The following NPM3 variants were observed in gnomAD, a reference collection of about 807,000 sequenced individuals.
NPM3 encodes nucleophosmin/nucleoplasmin 3, also known as nucleoplasmin-3.
A neutral mutation model predicts 18.1 loss-of-function variants in NPM3; 12 were observed. The ratio of observed to expected loss-of-function variants is 0.66; its 90% confidence interval spans 0.42 to 1.07. The LOEUF (loss-of-function observed/expected upper bound fraction) is 1.07, where lower values mean the gene tolerates loss of function less well. Among genes scored for constraint, NPM3 ranks in the 50% least tolerant of loss-of-function variants. The pLI, the probability that NPM3 is intolerant of heterozygous loss-of-function variation, is 0.00. For synonymous variants in NPM3, 116 were observed against 93.7 expected, an observed-to-expected ratio of 1.24 and a Z score of -1.38; for missense variants, 274 against 232.1, an observed-to-expected ratio of 1.18 and a Z score of -1.17.
Position 101,782,448 on chromosome 10 carries a change from C to A in NPM3, c.324+30G>T, listed in dbSNP as rs775615848. On this transcript the variant is annotated intron_variant, in intron 3 of 5. Coordinates refer to ENST00000370110, the Ensembl canonical transcript of NPM3. Reference sequence around the variant, plus strand: ...CTCAATCCCCTCACCACCACCACCACCACCACCAAGGCAGAGCTGGGGAAC... The same window carrying A: ...CTCAATCCCCTCACCACCACCACCAACACCACCAAGGCAGAGCTGGGGAAC... 8.7e-6 allele frequency: 14 copies of A among 1,604,312 alleles called. No homozygotes were observed. The Middle Eastern group carries it at 1.3e-3, about 152-fold the overall frequency.
intron 2 of NPM3, 93 bp downstream of exon 2, chr10:101,782,744 ATG>A (rs2065151864): frequency 1.3e-6 from 2 of 1,569,438 alleles, no homozygotes; most frequent in Non-Finnish European, 1.7e-6. Context: ...TAGGCTGAGG[ATG>A]TGTCTCCAAG....
intron 3 of NPM3, 43 bp downstream of exon 3, chr10:101,782,435 A>C: frequency 6.3e-7 from 1 of 1,584,322 alleles, no homozygotes; most frequent in Non-Finnish European, 8.6e-7. Flanking sequence ...CAATCCCCTC[A>C]CCACCACCAC....
At chr10:101,782,487 G>C in exon 3 of NPM3, 2 of 1,611,790 alleles carry the variant, frequency 1.2e-6, no homozygotes, top group Non-Finnish European at 1.7e-6. Context: ...CCATGGGTTG[G>C]CAGGACAGCT....
At position 101,782,711 on chromosome 10, in the gene NPM3, G is replaced by A. The variant is rs369909216; in HGVS notation, c.205-114C>T. On this transcript the variant is annotated intron_variant, in intron 2 of 5. Transcript: ENST00000370110. Reference sequence around the variant, plus strand: ...CAGAGGTCCCGGTTCACCTGGCCAGGGGAGCCGCCCATGCCGGGGGGTTAG... The same window carrying A: ...CAGAGGTCCCGGTTCACCTGGCCAGAGGAGCCGCCCATGCCGGGGGGTTAG... 149 of 1,583,750 alleles carry A rather than the reference G, an allele frequency of 9.4e-5. No homozygotes were observed. In the African/African-American group the frequency reaches 1.8e-3, roughly 19 times the overall value.
intron 4 of NPM3, 27 bp from the exon 5 acceptor site, chr10:101,781,881 A>T (rs748919778): frequency 3.7e-6 from 6 of 1,614,128 alleles, no homozygotes; most frequent in Non-Finnish European, 4.2e-6. Context: ...CAGTAGAAGG[A>T]TGGGGTGTTA....
chr10:101,782,531 G>C, exon 3 of NPM3: 6 of 1,613,972 alleles, frequency 3.7e-6, no homozygotes, highest in Non-Finnish European at 5.1e-6. Context: ...ATCTCCTGAT[G>C]GTCATGGTTC....
Position 101,782,585 on chromosome 10 carries a change from C to T in NPM3, c.217G>A (p.Glu73Lys), listed in dbSNP as rs745777576. ...ACATTACACTCGTCTTTGGCTCCCT[C>T]GGTGAGGCAGAGCTGGGAACGGTAC... Residue 73 changes from glutamate (E) to lysine (K), a missense_variant, in exon 3 of 6, where the codon GAG (glutamate) becomes AAG (lysine). Transcript: ENST00000370110. 1.3e-5 allele frequency: 21 copies of T among 1,614,004 alleles called. No homozygotes were observed. In the South Asian group the frequency reaches 2.3e-4, roughly 18 times the overall value.
exon 6 of NPM3, chr10:101,781,443 A>T: frequency 2.3e-6 from 1 of 428,180 alleles, no homozygotes; most frequent in South Asian, 4.0e-5. Context: ...GTGGGAAGGG[A>T]GGCCCCGGGC....
chr10:101,782,920 A>G, exon 2 of NPM3: 1 of 1,613,938 alleles, frequency 6.2e-7, no homozygotes, highest in Non-Finnish European at 8.5e-7. Flanking sequence ...CGGAGAGCTC[A>G]CAGCCTGGTA....
chr10:101,783,371 G>A, exon 1 of NPM3: 3 of 1,610,404 alleles, frequency 1.9e-6, no homozygotes, highest in Non-Finnish European at 2.5e-6. Flanking sequence ...CGCTAAGGCA[G>A]CTGCAGTACC....
At chr10:101,783,240 A>T (rs2065157280) in intron 1 of NPM3, 33 bp downstream of exon 1, 1 of 1,477,688 alleles carries the variant, frequency 6.8e-7, no homozygotes, top group South Asian at 1.2e-5. Context: ...TTACCGCCCC[A>T]GTACCACCCT....
At chr10:101,782,954 G>A (rs1390250013) in intron 1 of NPM3, 30 bp from the exon 2 acceptor site, 4 of 1,605,216 alleles carry the variant, frequency 2.5e-6, no homozygotes, top group Non-Finnish European at 3.4e-6. Flanking sequence ...GTATGCCTGA[G>A]CGTGTGTACG....
chr10:101,782,233 GGA>G (rs1211006689), intron 4 of NPM3, 23 bp downstream of exon 4: 3 of 1,597,162 alleles, frequency 1.9e-6, no homozygotes, highest in Non-Finnish European at 2.6e-6. Flanking sequence ...TGGAAGCAAA[GGA>G]GAGGGCCCTC....
chr10:101,781,999 C>A, intron 4 of NPM3, 145 bp from the exon 5 acceptor site: 1 of 1,410,480 alleles, frequency 7.1e-7, no homozygotes. Context: ...AACCTCAGAC[C>A]CTAAACTGGG....
exon 6 of NPM3, chr10:101,781,606 T>C (rs2065141283): frequency 3.9e-6 from 3 of 767,126 alleles, no homozygotes; most frequent in Non-Finnish European, 3.9e-6. Context: ...ACAGGGTGCA[T>C]GGCGGTGCAT....
At chr10:101,781,392 G>A (rs1349957580) in exon 6 of NPM3, 8 of 325,530 alleles carry the variant, frequency 2.5e-5, no homozygotes, top group Non-Finnish European at 3.9e-5. Context: ...AAAATGTGTA[G>A]CTCTGAGCTT....
chr10:101,781,971 T>C, intron 4 of NPM3, 117 bp from the exon 5 acceptor site: 1 of 1,547,644 alleles, frequency 6.5e-7, no homozygotes, highest in Non-Finnish European at 8.9e-7. Context: ...TCCCAGTGCT[T>C]ATGGGCTAGG....
chr10:101,782,951 T>C, intron 1 of NPM3, 27 bp from the exon 2 acceptor site: 1 of 1,607,684 alleles, frequency 6.2e-7, no homozygotes, highest in African/African-American at 1.3e-5. Flanking sequence ...TGAGTATGCC[T>C]GAGCGTGTGT....
At chr10:101,782,046 G>A (rs924703382) in intron 4 of NPM3, among the ~76,000 whole-genome samples, 192 bp from the exon 5 acceptor site, 1 of 152,204 alleles carries the variant, frequency 6.6e-6, no homozygotes, top group African/African-American at 2.4e-5. Flanking sequence ...TATTGGAGCT[G>A]GAGAAGTTGG....
Sources: allele counts gnomAD v4.1 joint callset (sites outside exome capture counted in the v4.1 genomes callset), GRCh38; gene constraint gnomAD v4.1.1; transcripts MANE v1.5; gene names NCBI Gene and HGNC (gene_info 2026-07-23, HGNC 2026-07-21).